Variants in ASCC3 observed in about 807,000 individuals in gnomAD.
ASCC3 encodes the protein ASC-1 complex subunit P200.
ASCC3 carries 158 observed loss-of-function variants against 256.3 expected under a neutral mutation model. The observed-to-expected ratio is 0.62, with a 90% confidence interval of 0.54 to 0.70. The LOEUF (loss-of-function observed/expected upper bound fraction) is 0.70. Ranked by LOEUF, ASCC3 falls within the 30% of genes least tolerant of loss-of-function variation. The pLI is 0.00. For synonymous variants in ASCC3, 948 were observed against 883.4 expected, an observed-to-expected ratio of 1.07 and a Z score of -1.30; for missense variants, 2,259 against 2,626.0, an observed-to-expected ratio of 0.86 and a Z score of 3.05.
At chr6:100,733,071 T>C (rs1779983641) in intron 10 of ASCC3, among the ~76,000 whole-genome samples, 1 of 152,112 alleles carries the variant, frequency 6.6e-6, no homozygotes, top group African/African-American at 2.4e-5. Flanking sequence ...GAAAAGCAAA[T>C]ATGATGAAAG....
At chr6:100,674,631 A>ATTTT (rs3073741) in intron 14 of ASCC3, among the ~76,000 whole-genome samples, 5 of 131,644 alleles carry the variant, frequency 3.8e-5, no homozygotes, top group Non-Finnish European at 4.8e-5. Context: ...TTATTACAGA[A>ATTTT]TTTTTTTTTT....
chr6:100,631,348 A>C, intron 25 of ASCC3, 135 bp from the exon 26 acceptor site: 1 of 664,546 alleles, frequency 1.5e-6, no homozygotes, highest in East Asian at 2.8e-5. Context: ...TGAATACTCA[A>C]ATTTTTAAAT....
chr6:100,525,173 AAAAAAAAAAAG>A (rs1774512844), intron 37 of ASCC3, among the ~76,000 whole-genome samples: 1 of 149,430 alleles, frequency 6.7e-6, no homozygotes, highest in South Asian at 2.1e-4. Flanking sequence ...AAAAAAAAAA[AAAAAAAAAAAG>A]AAAGAAAGAA....
chr6:100,767,450 T>G, intron 8 of ASCC3, 105 bp from the exon 9 acceptor site: 1 of 1,156,896 alleles, frequency 8.6e-7, no homozygotes, highest in Non-Finnish European at 1.3e-6. Flanking sequence ...AAAAAAAGAC[T>G]AATTTGTACT....
chr6:100,545,125 A>G (rs2114672855), intron 36 of ASCC3, among the ~76,000 whole-genome samples: 1 of 152,274 alleles, frequency 6.6e-6, no homozygotes, highest in Non-Finnish European at 1.5e-5. Context: ...AAAAACTCTC[A>G]GCAAACTAAG....
intron 4 of ASCC3, among the ~76,000 whole-genome samples, chr6:100,834,220 CTT>C (rs1175387325): frequency 6.6e-6 from 1 of 152,156 alleles, no homozygotes; most frequent in African/African-American, 2.4e-5. Flanking sequence ...ATATAAATCT[CTT>C]TTGGAATTTC....
chr6:100,715,618 C>T (rs1779054762), intron 12 of ASCC3, 85 bp from the exon 13 acceptor site: 4 of 1,123,668 alleles, frequency 3.6e-6, no homozygotes, highest in East Asian at 2.6e-5. Flanking sequence ...AATTACAATG[C>T]ATTTTTTAAG....
chr6:100,828,655 A>T (rs1771454041), intron 4 of ASCC3, among the ~76,000 whole-genome samples: 1 of 151,992 alleles, frequency 6.6e-6, no homozygotes, highest in South Asian at 2.1e-4. Flanking sequence ...TACAGCTCTT[A>T]AGGCGGTGCA....
At chr6:100,563,721 T>C (rs1770075549) in intron 36 of ASCC3, among the ~76,000 whole-genome samples, 1 of 152,108 alleles carries the variant, frequency 6.6e-6, no homozygotes, top group South Asian at 2.1e-4. Flanking sequence ...TCATCTAAGG[T>C]TTTTTTATTA....
chr6:100,710,316 TC>T (rs1778802856), intron 13 of ASCC3, among the ~76,000 whole-genome samples: 1 of 152,116 alleles, frequency 6.6e-6, no homozygotes, highest in South Asian at 2.1e-4. Context: ...CTGTGTGCAT[TC>T]TCCATTCCTA....
Position 100,868,057 on chromosome 6 carries a change from A to T in ASCC3, c.-41-19T>A. Reference sequence around the variant, plus strand: ...CCTGAAACTGAAACAAAACAAGATGATATTTATCTGTTCGGAAGAGGTGGC... The same window carrying T: ...CCTGAAACTGAAACAAAACAAGATGTTATTTATCTGTTCGGAAGAGGTGGC... On this transcript the variant is annotated intron_variant, in intron 1 of 41. Coordinates refer to ENST00000369162, the MANE Select transcript of ASCC3 (RefSeq NM_006828.4). The T allele has an allele frequency of 7.6e-7, 1 of 1,323,072 alleles. No individual in the cohort carries two copies. Among genetic ancestry groups the T allele is most frequent in the East Asian group, 2.3e-5 (1 of 43,022 alleles). 82.0% of individuals were successfully genotyped at this position (1,323,072 alleles called of 1,614,324 possible).
chr6:100,786,327 T>C (rs1048637541), intron 8 of ASCC3, among the ~76,000 whole-genome samples: 26 of 152,198 alleles, frequency 1.7e-4, no homozygotes, highest in Admixed American at 2.0e-4. Context: ...ATGGAAATAA[T>C]GTCTTCCAAA....
At chr6:100,638,559 TGTC>T (rs762957462) in intron 25 of ASCC3, 39 bp downstream of exon 25, 132 of 1,480,886 alleles carry the variant, frequency 8.9e-5, no homozygotes, top group Non-Finnish European at 1.2e-4. Flanking sequence ...GATTATGAAC[TGTC>T]TTTTCTAATT....
intron 4 of ASCC3, among the ~76,000 whole-genome samples, chr6:100,840,585 C>A (rs576138678): frequency 7.2e-6 from 1 of 138,810 alleles, no homozygotes; most frequent in East Asian, 2.3e-4. Context: ...CAGTAAAAAA[C>A]TAGATAAAAC....
chr6:100,807,475 C>T (rs774192304), intron 4 of ASCC3, among the ~76,000 whole-genome samples: 36 of 151,790 alleles, frequency 2.4e-4, no homozygotes, highest in Non-Finnish European at 2.4e-4. Context: ...GTCCCGGACA[C>T]TTAGGGGGCC....
At chr6:100,713,933 T>G (rs1778978292) in intron 13 of ASCC3, among the ~76,000 whole-genome samples, 1 of 152,198 alleles carries the variant, frequency 6.6e-6, no homozygotes, top group South Asian at 2.1e-4. Flanking sequence ...AAGAAGGCTA[T>G]ACGGGACATT....
At chr6:100,577,273 C>T (rs1770921281) in intron 36 of ASCC3, among the ~76,000 whole-genome samples, 1 of 151,942 alleles carries the variant, frequency 6.6e-6, no homozygotes, top group Admixed American at 6.6e-5. Context: ...TATATTATAT[C>T]TGTCAACTGA....
Position 100,861,568 on chromosome 6 carries a change from G to C in ASCC3, c.241+2496C>G, listed in dbSNP as rs188945164. ...CAGTATCAGCATTTTCATCCAGAAG[G>C]GACAGCTGACTACTACTCAACTTAA... On this transcript the variant is annotated intron_variant, in intron 3 of 41. Coordinates refer to ENST00000369162, the MANE Select transcript of ASCC3 (RefSeq NM_006828.4). Among the ~76,000 whole-genome samples, 10 of 152,076 alleles carry C rather than the reference G, an allele frequency of 6.6e-5. No individual in the cohort carries two copies. The East Asian group carries it at 1.7e-3, about 26-fold the overall frequency.
chr6:100,594,437 G>A (rs1038730071), intron 34 of ASCC3, among the ~76,000 whole-genome samples: 1 of 152,078 alleles, frequency 6.6e-6, no homozygotes, highest in African/African-American at 2.4e-5. Flanking sequence ...AAAAATAAGT[G>A]GGAAAAATTT....
Sources: allele counts gnomAD v4.1 joint callset (sites outside exome capture counted in the v4.1 genomes callset), GRCh38; gene constraint gnomAD v4.1.1; transcripts MANE v1.5; gene names NCBI Gene and HGNC (gene_info 2026-07-23, HGNC 2026-07-21).